Variants in KCNIP4 observed in about 807,000 individuals in gnomAD.
KCNIP4 encodes the protein Kv channel-interacting protein 4.
In KCNIP4, 12 loss-of-function variants were observed where a neutral mutation model predicts 34.0. The observed-to-expected ratio is 0.35, with a 90% CI of 0.23 to 0.57. The LOEUF is 0.57. Ranked by LOEUF, KCNIP4 falls within the 20% of genes least tolerant of loss-of-function variation. The pLI is 0.83. For synonymous variants in KCNIP4, 124 were observed against 102.2 expected, an observed-to-expected ratio of 1.21 and a Z score of -1.29; for missense variants, 238 against 311.7, an observed-to-expected ratio of 0.76 and a Z score of 1.78.
chr4:20,784,130 T>C (rs1046982824), intron 3 of KCNIP4, among the ~76,000 whole-genome samples: 2 of 152,212 alleles, frequency 1.3e-5, no homozygotes, highest in African/African-American at 4.8e-5. Flanking sequence ...AATGAGCTCA[T>C]TATTTTTGTT....
intron 1 of KCNIP4, among the ~76,000 whole-genome samples, chr4:21,682,789 C>G (rs1397828980): frequency 6.6e-6 from 1 of 152,110 alleles, no homozygotes; most frequent in Admixed American, 6.5e-5. Flanking sequence ...TGGGGAATAG[C>G]TGGTCAGTGT....
intron 1 of KCNIP4, among the ~76,000 whole-genome samples, chr4:21,410,609 T>A (rs1404490982): frequency 6.6e-6 from 1 of 152,150 alleles, no homozygotes; most frequent in Non-Finnish European, 1.5e-5. Flanking sequence ...GTTAAGCCTG[T>A]AGGTGGCAGA....
At chr4:21,903,380 A>AT (rs1447231136) in intron 1 of KCNIP4, among the ~76,000 whole-genome samples, 1 of 152,172 alleles carries the variant, frequency 6.6e-6, no homozygotes, top group East Asian at 1.9e-4. Context: ...AAATCTGATG[A>AT]TATAATATTA....
chr4:21,749,140 G>T (rs550654530), intron 1 of KCNIP4, among the ~76,000 whole-genome samples: 3 of 152,216 alleles, frequency 2.0e-5, no homozygotes, highest in African/African-American at 7.2e-5. Context: ...TCTAAGAATT[G>T]ATGTTATCCA....
intron 1 of KCNIP4, among the ~76,000 whole-genome samples, chr4:21,795,220 C>T (rs9994945): frequency 1.3e-5 from 2 of 151,906 alleles, no homozygotes; most frequent in Non-Finnish European, 2.9e-5. Flanking sequence ...AGTAGACATC[C>T]GGGAAGCGTG....
At chr4:21,489,273 AAGAG>A (rs1475315008) in intron 1 of KCNIP4, among the ~76,000 whole-genome samples, 2 of 151,760 alleles carry the variant, frequency 1.3e-5, no homozygotes, top group Non-Finnish European at 2.9e-5. Flanking sequence ...AAGAAAGAAA[AAGAG>A]AGAATCCCAG....
At chr4:21,147,063 G>T (rs996617563) in intron 1 of KCNIP4, among the ~76,000 whole-genome samples, 1 of 152,168 alleles carries the variant, frequency 6.6e-6, no homozygotes, top group Non-Finnish European at 1.5e-5. Flanking sequence ...AGGTGGACCA[G>T]AAGGGTTAAA....
intron 1 of KCNIP4, among the ~76,000 whole-genome samples, chr4:21,517,629 A>G (rs1734872690): frequency 6.6e-6 from 1 of 152,252 alleles, no homozygotes; most frequent in East Asian, 1.9e-4. Flanking sequence ...ACGAGTCATT[A>G]CATGCCTACA....
At chr4:20,888,127 T>C (rs1350413438) in intron 1 of KCNIP4, among the ~76,000 whole-genome samples, 2 of 151,756 alleles carry the variant, frequency 1.3e-5, no homozygotes, top group Non-Finnish European at 2.9e-5. Context: ...GGAATTAAAA[T>C]GAAATATATA....
At chr4:21,116,557 C>G (rs1365129463) in intron 1 of KCNIP4, among the ~76,000 whole-genome samples, 7 of 152,106 alleles carry the variant, frequency 4.6e-5, no homozygotes, top group Non-Finnish European at 1.0e-4. Context: ...CCGTTTTTTT[C>G]TCATCTTTTG....
At chr4:21,008,813 C>T (rs141813511) in intron 1 of KCNIP4, among the ~76,000 whole-genome samples, 4 of 151,970 alleles carry the variant, frequency 2.6e-5, no homozygotes, top group Admixed American at 1.3e-4. Flanking sequence ...CGTGAGCCAC[C>T]GCGCCCAGCC....
At chr4:21,541,749 C>G (rs1352254464) in intron 1 of KCNIP4, among the ~76,000 whole-genome samples, 1 of 152,038 alleles carries the variant, frequency 6.6e-6, no homozygotes, top group Non-Finnish European at 1.5e-5. Flanking sequence ...TCAAGTGATC[C>G]TCCTGTATAA....
intron 1 of KCNIP4, chr4:21,846,001 T>G (rs529585304): frequency 6.6e-6 from 1 of 152,150 alleles, no homozygotes; most frequent in Non-Finnish European, 1.5e-5. Flanking sequence ...GTTTTGTTTT[T>G]ACTGCTAAAA....
intron 1 of KCNIP4, among the ~76,000 whole-genome samples, chr4:21,243,098 A>G (rs1759975618): frequency 6.6e-6 from 1 of 152,188 alleles, no homozygotes. Context: ...TATAGATATT[A>G]TTCTTAATAA....
At chr4:21,044,392 A>G (rs1742252055) in intron 1 of KCNIP4, among the ~76,000 whole-genome samples, 1 of 151,782 alleles carries the variant, frequency 6.6e-6, no homozygotes, top group Non-Finnish European at 1.5e-5. Flanking sequence ...GCTCACTGCA[A>G]CCTCCACCTC....
chr4:21,566,784 T>A (rs750840873), intron 1 of KCNIP4, among the ~76,000 whole-genome samples: 1 of 152,130 alleles, frequency 6.6e-6, no homozygotes. Flanking sequence ...TTACTCCTGA[T>A]GAGAGGTCAA....
chr4:21,502,506 C>A (rs1190325235), intron 1 of KCNIP4, among the ~76,000 whole-genome samples: 4 of 152,052 alleles, frequency 2.6e-5, no homozygotes. Flanking sequence ...TTTTAGTGGG[C>A]ACAGATTATA....
intron 1 of KCNIP4, among the ~76,000 whole-genome samples, chr4:21,172,843 C>T (rs1754113240): frequency 6.6e-6 from 1 of 152,152 alleles, no homozygotes; most frequent in Non-Finnish European, 1.5e-5. Context: ...AGACCCCACT[C>T]CGGTGTGTTT....
intron 1 of KCNIP4, among the ~76,000 whole-genome samples, chr4:21,419,272 C>T (rs1442005779): frequency 6.6e-6 from 1 of 152,114 alleles, no homozygotes; most frequent in African/African-American, 2.4e-5. Flanking sequence ...TGTGTTATTC[C>T]CTTCCATCCC....
Sources: allele counts gnomAD v4.1 joint callset (sites outside exome capture counted in the v4.1 genomes callset), GRCh38; gene constraint gnomAD v4.1.1; transcripts MANE v1.5; gene names NCBI Gene and HGNC (gene_info 2026-07-23, HGNC 2026-07-21).